AIFM3: variants seen among roughly 807,000 people sequenced by gnomAD.
AIFM3 encodes the protein AIF family member 3, also known as apoptosis-inducing factor 3.
In AIFM3, 71 loss-of-function variants were observed where a neutral mutation model predicts 82.7. The ratio of observed to expected loss-of-function variants is 0.86; its 90% CI spans 0.71 to 1.05. The LOEUF is 1.05. AIFM3 is among the 50% of genes least tolerant of loss of function. The pLI is 0.00. For missense variants in AIFM3, 748 were observed against 816.7 expected, an observed-to-expected ratio of 0.92 and a Z score of 1.03; for synonymous variants, 337 against 329.1, an observed-to-expected ratio of 1.02 and a Z score of -0.26.
At chr22:20,978,215 G>A (rs1234800692) in intron 16 of AIFM3, among the ~76,000 whole-genome samples, 3 of 147,374 alleles carry the variant, frequency 2.0e-5, no homozygotes, top group Admixed American at 2.0e-4. Flanking sequence ...CTCAATCTCA[G>A]TTTTCCTTCT....
rs529630222 is a variant in AIFM3 at position 20,968,234 on chromosome 22, C to T, written c.31+259C>T. 9.9e-5 allele frequency among the ~76,000 whole-genome samples: 15 copies of T among 152,244 alleles called. No individual in the cohort carries two copies. The South Asian group carries it at 3.1e-3, about 32-fold the overall frequency. On this transcript the variant is annotated intron_variant, in intron 2 of 20. Transcript: ENST00000440238. ...TGGTGGTGGGAATAACAGCAGGACC[C>T]TTCTTGGAAAAGGAAAGTCAGGGTT...
rs781375502 is a variant in AIFM3, at chr22:20,975,705, A to G, written c.734A>G (p.Gln245Arg). ...TCTCCCCTGCAGTCCCTGGACACAC[A>G]GCCTGAGCAGCTGGCCCTGAGGCCC... ...RPKLSKSLDT[Q>R]PEQLALRPKE... The change falls in exon 9 of 21, where the codon CAG becomes CGG. Residue 245 changes from glutamine (Q) to arginine (R), a missense_variant. Around this residue, in one of 5 missense-constraint regions of AIFM3, gnomAD observed 393 missense variants for 481.1 expected, o/e 0.82. Coordinates refer to ENST00000440238, the MANE Select transcript of AIFM3 (RefSeq NM_001386814.1). 15 of 1,613,616 alleles carry G rather than the reference A, an allele frequency of 9.3e-6. No homozygotes were observed. The highest frequency in any genetic ancestry group is 1.1e-5 in the Non-Finnish European group (13 of 1,179,996).
rs951188590 is a variant in AIFM3 at position 20,973,222 on chromosome 22, G to A, written c.32-85G>A. The A allele has an allele frequency of 2.4e-5, 35 of 1,475,994 alleles. No individual in the cohort carries two copies. In the African/African-American group the frequency reaches 3.3e-4, roughly 14 times the overall value. The allele number at this position is 1,475,994 out of a possible 1,614,324, so 91.4% of individuals were successfully genotyped here. ...GCAGGGCTGAGCCTCCTGGCACCCCGAGGAGCTGGCCTCTGCACCCAGCTT... is the reference window on the plus strand; with the variant it reads ...GCAGGGCTGAGCCTCCTGGCACCCCAAGGAGCTGGCCTCTGCACCCAGCTT... On this transcript the variant is annotated intron_variant, in intron 2 of 20. Coordinates refer to ENST00000440238, the MANE Select transcript of AIFM3 (RefSeq NM_001386814.1).
In AIFM3 at chr22:20,976,195, C is replaced by G. The variant is rs1923641655; in HGVS notation, c.808-20C>G. 3 of 1,609,758 alleles carry G rather than the reference C, an allele frequency of 1.9e-6. No individual in the cohort carries two copies. Among genetic ancestry groups the G allele is most frequent in the Non-Finnish European group, 2.5e-6 (3 of 1,178,520 alleles). Reference sequence around the variant, plus strand: ...CCAGCCCCATGCCCAAGCTCATGCTCTGCCTGGTGGGGATTGCAGGTGGTC... The same window carrying G: ...CCAGCCCCATGCCCAAGCTCATGCTGTGCCTGGTGGGGATTGCAGGTGGTC... On this transcript the variant is annotated intron_variant, in intron 9 of 20. Coordinates refer to ENST00000440238, the MANE Select transcript of AIFM3 (RefSeq NM_001386814.1).
chr22:20,980,224 T>C (rs1314954360), intron 19 of AIFM3, 100 bp downstream of exon 19: 8 of 1,080,762 alleles, frequency 7.4e-6, no homozygotes, highest in Non-Finnish European at 4.0e-6. Flanking sequence ...CTCCAGGGCC[T>C]TTCCCCTCTT....
chr22:20,976,707 C>T lies in AIFM3; in HGVS notation c.1087C>T (p.Leu363=), dbSNP rs751081103. 81 of 1,608,958 alleles carry T rather than the reference C, an allele frequency of 5.0e-5. No individual in the cohort carries two copies. Among genetic ancestry groups the T allele is most frequent in the Non-Finnish European group, 5.9e-5 (70 of 1,177,668 alleles). Residue 363 remains leucine (L), a synonymous_variant, in exon 12 of 21, where the codon CTG becomes TTG. Coordinates refer to ENST00000440238, the MANE Select transcript of AIFM3 (RefSeq NM_001386814.1). ...EKAHSVSVVE[L]EETPFRRFLG... Reference sequence around the variant, plus strand: ...GGCCCACTCTGTGTCTGTGGTGGAGCTGGAGGAGACGCCCTTCAGGAGGTT... The same window carrying T: ...GGCCCACTCTGTGTCTGTGGTGGAGTTGGAGGAGACGCCCTTCAGGAGGTT...
rs760759626 is a variant in AIFM3, at chr22:20,974,758, G to A, written c.662G>A (p.Arg221Gln). Residue 221 changes from arginine (R) to glutamine (Q), a missense_variant, in exon 8 of 21, where the codon CGG (arginine) becomes CAG (glutamine). Physicochemically the swap from Arg to Gln is conservative, Grantham distance 43. Around this residue, in one of 5 missense-constraint regions of AIFM3, gnomAD observed 393 missense variants for 481.1 expected, o/e 0.82. Transcript: ENST00000440238. ...ETLRQEGFSD[R>Q]IVLCTLDRHL... The stretch of plus-strand genomic sequence containing the variant: ...CTGCGGCAGGAGGGCTTCTCCGACC[G>A]GATCGTCCTGTGCACGCTAGACCGG... 9 of 1,613,556 alleles carry A rather than the reference G, an allele frequency of 5.6e-6. No homozygotes were observed. The highest frequency in any genetic ancestry group is 1.3e-5 in the African/African-American group (1 of 74,866).
chr22:20,967,590 G>T (rs900981765), intron 1 of AIFM3: 2 of 338,436 alleles, frequency 5.9e-6, no homozygotes, highest in Non-Finnish European at 1.1e-5. Flanking sequence ...CGAGGTTCGG[G>T]CAGAGGAACT....
At chr22:20,968,310 G>T (rs146287131) in intron 2 of AIFM3, among the ~76,000 whole-genome samples, 10 of 152,186 alleles carry the variant, frequency 6.6e-5, no homozygotes, top group Non-Finnish European at 1.3e-4. Flanking sequence ...GCCAGGGAAG[G>T]GGGGAGCTGG....
rs1220750187 is a variant in AIFM3 at position 20,973,555 on chromosome 22, G to A, written c.245+35G>A. ...GGGCTTGCCTGGGAGCGGGGATCAGGGGTCCCAAGGTGGGAGGGTGAGGGG... is the reference window on the plus strand; with the variant it reads ...GGGCTTGCCTGGGAGCGGGGATCAGAGGTCCCAAGGTGGGAGGGTGAGGGG... On this transcript the variant is annotated intron_variant, in intron 3 of 20. Transcript: ENST00000440238. 5.0e-6 allele frequency: 8 copies of A among 1,588,014 alleles called. No individual in the cohort carries two copies. In the South Asian group the frequency reaches 9.0e-5, roughly 18 times the overall value.
Position 20,980,989 on chromosome 22 carries a change from C to T in AIFM3, c.1779-3C>T, listed in dbSNP as rs549730099. 4 of 1,614,202 alleles carry T rather than the reference C, an allele frequency of 2.5e-6. No homozygotes were observed. The highest frequency in any genetic ancestry group is 1.1e-5 in the South Asian group (1 of 91,088). ...TTGACCCCTCCTCCCCTCACTCCTG[C>T]AGGACTGGCGACATGTCCTGGCTTA... is the stretch of plus-strand genomic sequence containing the variant. On this transcript the variant is annotated splice_polypyrimidine_tract_variant and splice_region_variant and intron_variant, in intron 20 of 20. Transcript: ENST00000440238.
rs146287131 is a variant in AIFM3 at position 20,968,310 on chromosome 22, G to C, written c.31+335G>C. ...GGCTATGCCCCCAGGGCCAGGGAAGGGGGGAGCTGGGGACACGCTCAGCCA... is the reference window on the plus strand; with the variant it reads ...GGCTATGCCCCCAGGGCCAGGGAAGCGGGGAGCTGGGGACACGCTCAGCCA... On this transcript the variant is annotated intron_variant, in intron 2 of 20. Transcript: ENST00000440238. 5.9e-4 allele frequency among the ~76,000 whole-genome samples: 90 copies of C among 152,304 alleles called. No homozygotes were observed. The East Asian group carries it at 9.5e-3, about 16-fold the overall frequency.
In AIFM3 at chr22:20,977,770, C is replaced by T; in HGVS notation, c.1353C>T (p.Val451=). ...IGLDSRGFIP[V]NKMMQTNVPG... is the part of the protein sequence containing the mutation. ...TGGATTCCCGAGGCTTCATCCCTGT[C>T]AACAAGGTGGGGTGGATGGCACTGG... Residue 451 remains valine, a synonymous_variant, in exon 15 of 21, where the codon GTC becomes GTT. Coordinates refer to ENST00000440238, the MANE Select transcript of AIFM3 (RefSeq NM_001386814.1). The T allele has an allele frequency of 6.2e-7, 1 of 1,614,176 alleles. No homozygotes were observed.
rs1923445525 is a variant in AIFM3 at position 20,973,921 on chromosome 22, T to TGGCTCCTCCCCAGACCCC, written c.355+55_355+72dup. The TGGCTCCTCCCCAGACCCC allele has an allele frequency of 2.0e-6, 3 of 1,481,256 alleles. No homozygotes were observed. In the Admixed American group the frequency reaches 6.7e-5, roughly 33 times the overall value. 91.8% of individuals were successfully genotyped at this position (1,481,256 alleles called of 1,614,324 possible). Reference sequence around the variant, plus strand: ...GGACCTTCCAGGCCCCATGCCAGCTTGGCTCCTCCCCAGACCCCAGGATCT... The same window carrying TGGCTCCTCCCCAGACCCC: ...GGACCTTCCAGGCCCCATGCCAGCTTGGCTCCTCCCCAGACCCCGGCTCCTCCCCAGACCCCAGGATCT... On this transcript the variant is annotated intron_variant, in intron 4 of 20. Coordinates refer to ENST00000440238, the MANE Select transcript of AIFM3 (RefSeq NM_001386814.1).
chr22:20,979,412 A>AGGGGC (rs1555926179), intron 17 of AIFM3, 43 bp downstream of exon 17: 2 of 393,556 alleles, frequency 5.1e-6, no homozygotes, highest in Non-Finnish European at 7.3e-6. Flanking sequence ...GAGGGCGTTT[A>AGGGGC]GGGGCGGGGC....
intron 3 of AIFM3, 21 bp from the exon 4 acceptor site, chr22:20,973,737 C>A (rs1422454587): frequency 2.0e-6 from 3 of 1,526,196 alleles, no homozygotes; most frequent in African/African-American, 1.4e-5. Context: ...GGCCTGACCT[C>A]TGAGTGCTGC....
At position 20,980,732 on chromosome 22, in the gene AIFM3, CTT is replaced by C; in HGVS notation, c.1758-14_1758-13del. ...CTTGGCCTTCTCTCCGTTTCTCTCT[CTT>C]GCCTTCGTGAAGGCTGTTTGTGCTG... On this transcript the variant is annotated splice_polypyrimidine_tract_variant and intron_variant, in intron 19 of 20. Transcript: ENST00000440238. The C allele has an allele frequency of 1.2e-6, 2 of 1,614,202 alleles. No individual in the cohort carries two copies. The highest frequency in any genetic ancestry group is 1.7e-6 in the Non-Finnish European group (2 of 1,180,028).
chr22:20,975,761 G>A lies in AIFM3; in HGVS notation c.790G>A (p.Val264Met), dbSNP rs1239017720. Residue 264 changes from valine to methionine, a missense_variant, in exon 9 of 21, where the codon GTG becomes ATG. By Grantham distance (21) the Val-to-Met change is conservative (BLOSUM62 1). Transcript: ENST00000440238. ...GTTTTTCCGAGCCTATGGCATCGAG[G>A]TGCTCACCGAGGCTCAGGTACAGGG... ...KEFFRAYGIEVLTEAQVVTVD... is the reference protein window; with the variant it reads ...KEFFRAYGIEMLTEAQVVTVD... The A allele has an allele frequency of 1.9e-6, 3 of 1,613,010 alleles. No homozygotes were observed. The highest frequency in any genetic ancestry group is 1.7e-6 in the Non-Finnish European group (2 of 1,180,010).
At chr22:20,974,453 G>T in intron 6 of AIFM3, 72 bp from the exon 7 acceptor site, 1 of 1,564,866 alleles carries the variant, frequency 6.4e-7, no homozygotes, top group Non-Finnish European at 8.7e-7. Context: ...GGGCTGGAGC[G>T]CCAGGACCTG....
Sources: allele counts gnomAD v4.1 joint callset (sites outside exome capture counted in the v4.1 genomes callset), GRCh38; gene constraint gnomAD v4.1.1; regional missense constraint gnomAD v4.1.1; transcripts MANE v1.5; gene names NCBI Gene and HGNC (gene_info 2026-07-23, HGNC 2026-07-21).